NHSL2: variants seen among roughly 807,000 people sequenced by gnomAD.
NHSL2 encodes the protein NHS like 2.
NHSL2 carries 27 observed loss-of-function variants against 53.4 expected under a neutral mutation model. The observed-to-expected ratio is 0.51, with a 90% confidence interval of 0.37 to 0.70. The LOEUF (loss-of-function observed/expected upper bound fraction) is 0.70, where lower values mean the gene tolerates loss of function less well. Ranked by LOEUF, NHSL2 falls within the 30% of genes least tolerant of loss-of-function variation. The pLI is 0.00. For missense variants in NHSL2, 892 were observed against 980.1 expected (o/e 0.91, Z 1.20); for synonymous variants, 408 against 404.1 (o/e 1.01, Z -0.12).
At chrX:72,106,094 A>G (rs912639524) in intron 1 of NHSL2, among the ~76,000 whole-genome samples, 9 of 111,112 alleles carry the variant, frequency 8.1e-5, no homozygotes, top group South Asian at 3.8e-4. Context: ...CTGTAGTCCC[A>G]GCTACTCAGG....
At position 72,144,472 on chromosome X, in the gene NHSL2, TA is replaced by T. The variant is rs199552236; in HGVS notation, c.*902del. The T allele has an allele frequency of 1.0e-3, 963 of 961,649 alleles. 23 individuals carry two copies. In the East Asian group the frequency reaches 0.046, roughly 46 times the overall value. 79.3% of individuals were successfully genotyped at this position (961,649 alleles called of 1,213,427 possible). A position where few individuals can be genotyped will look rare whatever the true frequency, so the allele number is the denominator to read the frequency against. ...TAAGAACTCTCATTTCATTTGCATATAAAATTCATTACAGGAAGTAATTAAC... is the reference window on the plus strand; with the variant it reads ...TAAGAACTCTCATTTCATTTGCATATAAATTCATTACAGGAAGTAATTAAC... On this transcript the variant is annotated 3_prime_UTR_variant, in exon 8 of 8. Coordinates refer to ENST00000633930, the MANE Select transcript of NHSL2 (RefSeq NM_001013627.3).
chrX:72,132,114 A>G lies in NHSL2; in HGVS notation c.316A>G (p.Thr106Ala). Residue 106 changes from threonine to alanine, a missense_variant, in exon 2 of 8, where the codon ACT becomes GCT. Coordinates refer to ENST00000633930, the MANE Select transcript of NHSL2 (RefSeq NM_001013627.3). The stretch of plus-strand genomic sequence containing the variant: ...CTCGGGTCGGGAAAATGCGACAGCG[A>G]CTGCCCACTCGAGGTCGTCATGGCG... ...ANSGRENATA[T>A]AHSRSSWRQP... is the part of the protein sequence containing the mutation. The G allele has an allele frequency of 8.6e-7, 1 of 1,166,820 alleles. No homozygotes were observed. The highest frequency in any genetic ancestry group is 1.1e-6 in the Non-Finnish European group (1 of 872,374).
At chrX:72,069,074 G>C (rs1301599835) in intron 1 of NHSL2, among the ~76,000 whole-genome samples, 1 of 112,439 alleles carries the variant, frequency 8.9e-6, no homozygotes, top group East Asian at 2.8e-4. Context: ...AGAATTCCTG[G>C]GTAGCACATT....
chrX:72,103,341 AT>A (rs1466307252), intron 1 of NHSL2, among the ~76,000 whole-genome samples: 1 of 111,647 alleles, frequency 9.0e-6, no homozygotes, highest in African/African-American at 3.3e-5. Context: ...GTGCCCACAG[AT>A]TTGCTCTGCC....
At chrX:72,121,036 G>C (rs922037213) in intron 1 of NHSL2, among the ~76,000 whole-genome samples, 7 of 112,624 alleles carry the variant, frequency 6.2e-5, no homozygotes, top group Non-Finnish European at 1.1e-4. Context: ...TGCTCTTCGT[G>C]AGTGCCACTC....
At chrX:72,091,385 C>T (rs1249426673) in intron 1 of NHSL2, among the ~76,000 whole-genome samples, 3 of 110,563 alleles carry the variant, frequency 2.7e-5, no homozygotes, top group African/African-American at 9.9e-5. Context: ...ACCCGGGAGG[C>T]GGAGCTTGCG....
At chrX:71,941,837 A>T (rs765123300) in intron 1 of NHSL2, among the ~76,000 whole-genome samples, 18 of 111,535 alleles carry the variant, frequency 1.6e-4, no homozygotes, top group Non-Finnish European at 3.0e-4. Flanking sequence ...TGGTCTTCTG[A>T]CCTTTCCTCA....
At chrX:71,980,019 A>T (rs7471548) in intron 1 of NHSL2, among the ~76,000 whole-genome samples, 1 of 111,025 alleles carries the variant, frequency 9.0e-6, no homozygotes, top group Non-Finnish European at 1.9e-5. Flanking sequence ...TAAATAGGGA[A>T]TCCTTTCCCC....
intron 1 of NHSL2, among the ~76,000 whole-genome samples, chrX:71,983,713 T>G (rs1163141361): frequency 8.9e-6 from 1 of 112,286 alleles, no homozygotes; most frequent in Non-Finnish European, 1.9e-5. Context: ...TTCTTGATGA[T>G]AAGCTTAACA....
chrX:72,078,882 G>A (rs2041766156), intron 1 of NHSL2, among the ~76,000 whole-genome samples: 1 of 112,169 alleles, frequency 8.9e-6, no homozygotes, highest in African/African-American at 3.2e-5. Flanking sequence ...CATGAGCCCT[G>A]GCCCTGCCCT....
chrX:72,131,370 T>C (rs1458163153), intron 1 of NHSL2: 1 of 1,210,401 alleles, frequency 8.3e-7, no homozygotes. Flanking sequence ...CTATGGGTAC[T>C]GGCCAGCGGA....
In NHSL2 at chrX:72,107,439, G is replaced by A. The variant is rs185702112; in HGVS notation, c.281-24640G>A. ...CAGGGAGTTCCACGGTTCACGGCAG[G>A]GCCCATTTAGCCTGCTTCTCTCTTT... On this transcript the variant is annotated intron_variant, in intron 1 of 7. Coordinates refer to ENST00000633930, the MANE Select transcript of NHSL2 (RefSeq NM_001013627.3). Among the ~76,000 whole-genome samples, 235 of 111,978 alleles carry A rather than the reference G, an allele frequency of 2.1e-3. 1 individual carries two copies. The highest frequency in any genetic ancestry group is 7.4e-3 in the African/African-American group (227 of 30,775).
In NHSL2 at chrX:72,132,122, C is replaced by T. The variant is rs1012434062; in HGVS notation, c.324C>T (p.His108=). ...GGGAAAATGCGACAGCGACTGCCCA[C>T]TCGAGGTCGTCATGGCGACAGCCAG... The part of the protein sequence containing the change: ...SGRENATATA[H]SRSSWRQPVN... Residue 108 remains histidine, a synonymous_variant, in exon 2 of 8, where the codon CAC becomes CAT. Coordinates refer to ENST00000633930, the MANE Select transcript of NHSL2 (RefSeq NM_001013627.3). The T allele has an allele frequency of 2.6e-6, 3 of 1,165,328 alleles. No individual in the cohort carries two copies. The highest frequency in any genetic ancestry group is 3.6e-5 in the African/African-American group (2 of 55,795).
chrX:72,057,293 A>G (rs1258106881), intron 1 of NHSL2, among the ~76,000 whole-genome samples: 3 of 109,837 alleles, frequency 2.7e-5, no homozygotes, highest in Admixed American at 1.9e-4. Flanking sequence ...TCTAATCTCC[A>G]CTCCCAGTTC....
intron 1 of NHSL2, among the ~76,000 whole-genome samples, chrX:72,122,912 A>G (rs972548971): frequency 8.8e-6 from 1 of 113,072 alleles, no homozygotes; most frequent in African/African-American, 3.2e-5. Context: ...AAAGAGGACA[A>G]GTCCATGTTC....
intron 4 of NHSL2, among the ~76,000 whole-genome samples, chrX:72,136,634 A>C (rs1372486102): frequency 8.9e-6 from 1 of 111,866 alleles, no homozygotes; most frequent in Non-Finnish European, 1.9e-5. Context: ...CCTGGCCCAT[A>C]TAAAGGCCTT....
chrX:71,928,594 G>A (rs952950045), intron 1 of NHSL2, among the ~76,000 whole-genome samples: 4 of 111,396 alleles, frequency 3.6e-5, no homozygotes, highest in African/African-American at 1.3e-4. Flanking sequence ...CATTTTTGGA[G>A]TTGGGGAAAG....
At chrX:72,069,525 T>G in intron 1 of NHSL2, 4 of 324,554 alleles carry the variant, frequency 1.2e-5, no homozygotes, top group Non-Finnish European at 1.0e-5. Flanking sequence ...ACAAGTGGGA[T>G]TTGGAAGAGC....
At chrX:71,998,044 T>G (rs1186612080) in intron 1 of NHSL2, among the ~76,000 whole-genome samples, 1 of 112,048 alleles carries the variant, frequency 8.9e-6, no homozygotes, top group Non-Finnish European at 1.9e-5. Flanking sequence ...GCAACAGACT[T>G]AAAATGGAGG....
Sources: allele counts gnomAD v4.1 joint callset (sites outside exome capture counted in the v4.1 genomes callset), GRCh38; gene constraint gnomAD v4.1.1; transcripts MANE v1.5; gene names NCBI Gene and HGNC (gene_info 2026-07-23, HGNC 2026-07-21).